TDRD9: variants seen among roughly 807,000 people sequenced by gnomAD.
The protein encoded by TDRD9 is tudor domain containing 9, also known as ATP-dependent RNA helicase TDRD9.
In TDRD9, 124 loss-of-function variants were observed where a neutral mutation model predicts 172.6. That is an observed-to-expected ratio of 0.72 (90% CI 0.62 to 0.83). The LOEUF (loss-of-function observed/expected upper bound fraction) is 0.83, where lower values mean the gene tolerates loss of function less well. Among genes scored for constraint, TDRD9 ranks in the 40% least tolerant of loss-of-function variants. The pLI is 0.00. For synonymous variants in TDRD9, 619 were observed against 617.1 expected, an observed-to-expected ratio of 1.00 and a Z score of -0.05; for missense variants, 1,479 against 1,714.1, an observed-to-expected ratio of 0.86 and a Z score of 2.42.
At chr14:104,016,178 G>A in intron 22 of TDRD9, 90 bp downstream of exon 22, 1 of 909,180 alleles carries the variant, frequency 1.1e-6, no homozygotes, top group Non-Finnish European at 1.7e-6. Flanking sequence ...TGAGTCCTAA[G>A]TGAATTTTCC....
intron 1 of TDRD9, among the ~76,000 whole-genome samples, chr14:103,946,656 G>T (rs1337860788): frequency 2.0e-5 from 3 of 152,178 alleles, no homozygotes; most frequent in African/African-American, 4.8e-5. Context: ...AACCCCTAAA[G>T]ATTCCACAAA....
chr14:104,039,226 G>A (rs2035540028), intron 32 of TDRD9, among the ~76,000 whole-genome samples: 1 of 152,222 alleles, frequency 6.6e-6, no homozygotes, highest in African/African-American at 2.4e-5. Flanking sequence ...CACGAGAACA[G>A]CATGAGGTTA....
chr14:103,970,833 T>G (rs2032989038), intron 6 of TDRD9, among the ~76,000 whole-genome samples: 1 of 152,270 alleles, frequency 6.6e-6, no homozygotes, highest in African/African-American at 2.4e-5. Context: ...CTAAGTCACC[T>G]CTAGGTTATC....
Position 103,938,436 on chromosome 14 carries a change from A to ATTTTTTT in TDRD9, c.215+9713_215+9714insTTTTTTT, listed in dbSNP as rs1483928412. 4.3e-3 allele frequency among the ~76,000 whole-genome samples: 175 copies of ATTTTTTT among 40,520 alleles called. 4 individuals are homozygous for ATTTTTTT. Among genetic ancestry groups the ATTTTTTT allele is most frequent in the Non-Finnish European group, 4.8e-3 (115 of 23,746 alleles). The allele number at this position is 40,520 out of a possible 152,430, so 26.6% of individuals were successfully genotyped here. ...TGTGTATATATATATATATATATAT[A>ATTTTTTT]TATATTTTTTTTTTTTTTTTGAGAT... On this transcript the variant is annotated intron_variant, in intron 1 of 35. Transcript: ENST00000409874.
intron 24 of TDRD9, 114 bp from the exon 25 acceptor site, chr14:104,024,455 A>G: frequency 1.7e-6 from 1 of 575,454 alleles, no homozygotes; most frequent in Non-Finnish European, 3.0e-6. Context: ...ATTTTATTGA[A>G]ATGTTCTTTT....
At chr14:104,034,870 C>A in intron 31 of TDRD9, 90 bp from the exon 32 acceptor site, 1 of 922,292 alleles carries the variant, frequency 1.1e-6, no homozygotes, top group Non-Finnish European at 1.7e-6. Flanking sequence ...GGAGGGGATA[C>A]CTGCAGATGA....
chr14:103,953,539 C>T (rs951712605), intron 1 of TDRD9, among the ~76,000 whole-genome samples: 4 of 147,534 alleles, frequency 2.7e-5, no homozygotes, highest in African/African-American at 5.0e-5. Flanking sequence ...ACACTTGGTG[C>T]ACGTGATTAT....
At chr14:104,046,014 T>C (rs1342579381) in intron 34 of TDRD9, among the ~76,000 whole-genome samples, 1 of 152,214 alleles carries the variant, frequency 6.6e-6, no homozygotes, top group African/African-American at 2.4e-5. Flanking sequence ...TGGAGTACAG[T>C]GGTGCAGTCT....
In TDRD9 at chr14:104,008,446, C is replaced by G; in HGVS notation, c.2086C>G (p.Gln696Glu). 1 of 1,564,760 alleles carries G rather than the reference C, an allele frequency of 6.4e-7. No homozygotes were observed. Among genetic ancestry groups the G allele is most frequent in the Non-Finnish European group, 8.8e-7 (1 of 1,136,754 alleles). ...ELNWGRLNYIQIKRIREVAEL... is the reference protein window; with the variant it reads ...ELNWGRLNYIEIKRIREVAEL... ...TAATTGGGGACGGTTAAATTACATT[C>G]AAATCAAGAGAATTAGAGAGGTAAG... Residue 696 changes from glutamine (Q) to glutamate (E), a missense_variant, in exon 20 of 36, where the codon CAA becomes GAA. Physicochemically the swap from Gln to Glu is conservative, Grantham distance 29 (BLOSUM62 2). This residue lies in a region of TDRD9 where 1,413 missense variants were observed against 1,649.1 expected (regional missense o/e 0.86). Coordinates refer to ENST00000409874, the MANE Select transcript of TDRD9 (RefSeq NM_153046.3).
chr14:103,939,018 T>C (rs1259719117), intron 1 of TDRD9, among the ~76,000 whole-genome samples: 1 of 152,180 alleles, frequency 6.6e-6, no homozygotes, highest in Non-Finnish European at 1.5e-5. Context: ...AATTAATTAA[T>C]TGCATGTGGG....
intron 22 of TDRD9, 71 bp from the exon 23 acceptor site, chr14:104,018,021 T>G: frequency 1.6e-5 from 14 of 886,446 alleles, no homozygotes; most frequent in Non-Finnish European, 2.5e-5. Context: ...GCAGCAGCTT[T>G]GAGCTTGTGA....
rs1408588051 is a variant in TDRD9 at position 103,997,008 on chromosome 14, A to G, written c.1378+1201A>G. Among the ~76,000 whole-genome samples the G allele has an allele frequency of 6.6e-6, 1 of 152,146 alleles. No individual in the cohort carries two copies. The highest frequency in any genetic ancestry group is 2.4e-5 in the African/African-American group (1 of 41,442). ...CAAGCAAGGAGGCCAGGGCAGCTGG[A>G]CCAGTGTGAACGAAGGGGAAACGAG... On this transcript the variant is annotated intron_variant, in intron 12 of 35. Transcript: ENST00000409874. The surrounding 1 kb of genome is among the most constrained non-coding windows in gnomAD (Gnocchi z 5.1).
At chr14:103,963,055 T>G in intron 2 of TDRD9, 24 bp from the exon 3 acceptor site, 1 of 1,399,684 alleles carries the variant, frequency 7.1e-7, no homozygotes, top group Non-Finnish European at 9.8e-7. Context: ...TGGCATTGTA[T>G]TTGTTTGTTT....
intron 6 of TDRD9, among the ~76,000 whole-genome samples, chr14:103,972,450 T>C (rs1349985209): frequency 6.6e-6 from 1 of 152,238 alleles, no homozygotes; most frequent in Non-Finnish European, 1.5e-5. Context: ...TGAAAGTTGA[T>C]GGGAATGATA....
At chr14:103,969,093 CTG>C (rs1264948335) in intron 5 of TDRD9, among the ~76,000 whole-genome samples, 1 of 141,268 alleles carries the variant, frequency 7.1e-6, no homozygotes, top group African/African-American at 2.6e-5. Context: ...GAATAAGACT[CTG>C]TGTAAAAAAA....
chr14:103,944,178 T>G (rs2031429434), intron 1 of TDRD9, among the ~76,000 whole-genome samples: 2 of 152,144 alleles, frequency 1.3e-5, no homozygotes, highest in South Asian at 4.1e-4. Flanking sequence ...TCTCACATTA[T>G]CCCTCCTTCA....
At chr14:103,938,661 T>A (rs2030972907) in intron 1 of TDRD9, among the ~76,000 whole-genome samples, 1 of 151,606 alleles carries the variant, frequency 6.6e-6, no homozygotes, top group African/African-American at 2.4e-5. Flanking sequence ...ATGGTCTCAA[T>A]CTCTTGACCT....
At chr14:104,012,114 G>A (rs1455522316) in intron 20 of TDRD9, among the ~76,000 whole-genome samples, 1 of 152,204 alleles carries the variant, frequency 6.6e-6, no homozygotes, top group Non-Finnish European at 1.5e-5. Context: ...TGTAGGCCTA[G>A]AGTACCCATG....
intron 1 of TDRD9, among the ~76,000 whole-genome samples, chr14:103,943,441 A>G (rs1215387203): frequency 1.3e-5 from 2 of 150,500 alleles, no homozygotes; most frequent in Non-Finnish European, 3.0e-5. Flanking sequence ...ACGCATATGT[A>G]TATGTATTAT....
Sources: allele counts gnomAD v4.1 joint callset (sites outside exome capture counted in the v4.1 genomes callset), GRCh38; gene constraint gnomAD v4.1.1; regional missense constraint gnomAD v4.1.1; non-coding constraint Gnocchi (gnomAD v3.1); transcripts MANE v1.5; gene names NCBI Gene and HGNC (gene_info 2026-07-23, HGNC 2026-07-21).